The following IL12A variants were observed in gnomAD, a reference collection of about 807,000 sequenced individuals.
The protein encoded by IL12A is interleukin-12 subunit alpha.
IL12A carries 16 observed loss-of-function variants against 23.5 expected under a neutral mutation model. The observed-to-expected ratio is 0.68, with a 90% CI of 0.46 to 1.03. The LOEUF (loss-of-function observed/expected upper bound fraction) is 1.03. IL12A is among the 50% of genes least tolerant of loss of function. The pLI, the probability that IL12A is intolerant of heterozygous loss-of-function variation, is 0.00. For missense variants in IL12A, 275 were observed against 307.0 expected (o/e 0.90, Z 0.78); for synonymous variants, 106 against 111.5 (o/e 0.95, Z 0.31).
rs772263185 is a variant in IL12A at position 159,993,552 on chromosome 3, T to C, written c.421-16T>C. 1 of 1,614,144 alleles carries C rather than the reference T, an allele frequency of 6.2e-7. No homozygotes were observed. Among genetic ancestry groups the C allele is most frequent in the Non-Finnish European group, 8.5e-7 (1 of 1,179,978 alleles). On this transcript the variant is annotated splice_polypyrimidine_tract_variant and intron_variant, in intron 4 of 6. Transcript: ENST00000305579. ...ATGAATTCATATCACTGATGTCTGA[T>C]TATTTTTTCCTCTAGAATGGGAGTT...
rs1219805361 is a variant in IL12A, at chr3:159,993,682, A to G, written c.463-19A>G. The G allele has an allele frequency of 1.9e-6, 3 of 1,614,168 alleles. No individual in the cohort carries two copies. The highest frequency in any genetic ancestry group is 1.1e-5 in the South Asian group (1 of 91,080). ...AGCCCATCTCAATGGATACTTCCCC[A>G]TCTTGTCATGTCACCCAGGCCCTGT... On this transcript the variant is annotated intron_variant, in intron 5 of 6. Transcript: ENST00000305579.
chr3:159,990,100 T>A, intron 1 of IL12A, 67 bp from the exon 2 acceptor site: 6 of 1,550,332 alleles, frequency 3.9e-6, no homozygotes, highest in Non-Finnish European at 5.3e-6. Context: ...GTGGCCAGAA[T>A]GGAGGGAAGG....
Position 159,993,434 on chromosome 3 carries a change from T to C in IL12A, c.379-17T>C. The stretch of plus-strand genomic sequence containing the variant: ...TACTAAGAATTAATACTTTGATATA[T>C]GATTTTTTCCCTCTAGAATGAGAGT... On this transcript the variant is annotated splice_polypyrimidine_tract_variant and intron_variant, in intron 3 of 6. Coordinates refer to ENST00000305579, the MANE Select transcript of IL12A (RefSeq NM_000882.4). The C allele has an allele frequency of 6.3e-7, 1 of 1,593,098 alleles. No homozygotes were observed. The highest frequency in any genetic ancestry group is 2.2e-5 in the East Asian group (1 of 44,746).
At chr3:159,991,000 A>G (rs1157385468) in intron 2 of IL12A, among the ~76,000 whole-genome samples, 1 of 152,152 alleles carries the variant, frequency 6.6e-6, no homozygotes, top group Non-Finnish European at 1.5e-5. Flanking sequence ...TTTCTTGAGT[A>G]TTTTCTAGCT....
chr3:159,988,990 A>G lies in IL12A; in HGVS notation c.-67A>G. The G allele has an allele frequency of 7.9e-7, 1 of 1,261,372 alleles. No homozygotes were observed. The highest frequency in any genetic ancestry group is 1.2e-6 in the Non-Finnish European group (1 of 859,540). 78.1% of individuals were successfully genotyped at this position (1,261,372 alleles called of 1,614,324 possible). A position where few individuals can be genotyped will look rare whatever the true frequency, so the allele number is the denominator to read the frequency against. On this transcript the variant is annotated 5_prime_UTR_variant, in exon 1 of 7. Transcript: ENST00000305579. ...GAAGCTGATGTAGAGAGAGACACAG[A>G]AGGAGACAGAAAGCAAGAGACCAGA...
chr3:159,993,713 A>G lies in IL12A; in HGVS notation c.475A>G (p.Ser159Gly). The change falls in exon 6 of 7, where the codon AGT (serine) becomes GGT (glycine). Residue 159 changes from serine to glycine, a missense_variant. Physicochemically the swap from Ser to Gly is moderately conservative, Grantham distance 56. Transcript: ENST00000305579. ...TCATGTCACCCAGGCCCTGTGCCTT[A>G]GTAGTATTTATGAAGACTTGAAGAT... 1 of 1,614,154 alleles carries G rather than the reference A, an allele frequency of 6.2e-7. No homozygotes were observed. Among genetic ancestry groups the G allele is most frequent in the Non-Finnish European group, 8.5e-7 (1 of 1,179,998 alleles).
chr3:159,990,421 C>A, intron 2 of IL12A, 109 bp downstream of exon 2: 1 of 1,146,684 alleles, frequency 8.7e-7, no homozygotes, highest in Non-Finnish European at 1.2e-6. Context: ...TGTGGAAGTT[C>A]ATTAGCAGCT....
chr3:159,995,221 T>C (rs1268909582), intron 6 of IL12A, among the ~76,000 whole-genome samples, 183 bp from the exon 7 acceptor site: 1 of 152,176 alleles, frequency 6.6e-6, no homozygotes, highest in East Asian at 1.9e-4. Context: ...GCTTGGAAAA[T>C]GAGTATTTCT....
intron 2 of IL12A, 62 bp downstream of exon 2, chr3:159,990,374 T>G: frequency 6.5e-7 from 1 of 1,529,056 alleles, no homozygotes; most frequent in Non-Finnish European, 9.0e-7. Flanking sequence ...GGGCCTCTGA[T>G]CCTCCCCTCT....
At chr3:159,989,375 C>T in intron 1 of IL12A, 1 of 579,480 alleles carries the variant, frequency 1.7e-6, no homozygotes, top group East Asian at 3.0e-5. Flanking sequence ...GCCTGATGAG[C>T]TATCATTATG....
chr3:159,990,069 A>C (rs912405677), intron 1 of IL12A, 98 bp from the exon 2 acceptor site: 1 of 1,263,182 alleles, frequency 7.9e-7, no homozygotes, highest in African/African-American at 1.5e-5. Context: ...GTGGGTGCCA[A>C]GCATGAATGG....
In IL12A at chr3:159,990,187, C is replaced by G. The variant is rs781137999; in HGVS notation, c.139C>G (p.Leu47Val). ...TCCAGGCCTCCTCCTTGTGGCTACC[C>G]TGGTCCTCCTGGACCACCTCAGTTT... Residue 47 changes from leucine to valine, a missense_variant, in exon 2 of 7, where the codon CTG (leucine) becomes GTG (valine). Physicochemically the swap from Leu to Val is conservative, Grantham distance 32 (BLOSUM62 1). Transcript: ENST00000305579. 6.2e-7 allele frequency: 1 copy of G among 1,614,104 alleles called. No homozygotes were observed. The highest frequency in any genetic ancestry group is 1.7e-5 in the Admixed American group (1 of 60,014).
rs1476068539 is a variant in IL12A at position 159,993,784 on chromosome 3, T to A, written c.546T>A (p.Asp182Glu). Residue 182 changes from aspartate (D) to glutamate (E), a missense_variant, in exon 6 of 7, where the codon GAT becomes GAA. Coordinates refer to ENST00000305579, the MANE Select transcript of IL12A (RefSeq NM_000882.4). ...CCATGAATGCAAAGCTTCTGATGGATCCTAAGAGGCAGATCTTTCTAGATC... is the reference window on the plus strand; with the variant it reads ...CCATGAATGCAAAGCTTCTGATGGAACCTAAGAGGCAGATCTTTCTAGATC... The A allele has an allele frequency of 1.2e-6, 2 of 1,614,024 alleles. No homozygotes were observed. The highest frequency in any genetic ancestry group is 1.3e-5 in the African/African-American group (1 of 74,932).
chr3:159,995,659 A>G lies in IL12A; in HGVS notation c.*100A>G. ...AAGAACTAGGGAGGGGGAAAGAAGG[A>G]TGGGACTATTACATCCACATGATAC... On this transcript the variant is annotated 3_prime_UTR_variant, in exon 7 of 7. Coordinates refer to ENST00000305579, the MANE Select transcript of IL12A (RefSeq NM_000882.4). 1 of 816,758 alleles carries G rather than the reference A, an allele frequency of 1.2e-6. No homozygotes were observed. Among genetic ancestry groups the G allele is most frequent in the East Asian group, 2.7e-5 (1 of 36,636 alleles). The allele number at this position is 816,758 out of a possible 1,614,324, so 50.6% of individuals were successfully genotyped here.
chr3:159,989,421 G>A lies in IL12A; in HGVS notation c.118+247G>A, dbSNP rs138453663. On this transcript the variant is annotated intron_variant, in intron 1 of 6. Coordinates refer to ENST00000305579, the MANE Select transcript of IL12A (RefSeq NM_000882.4). ...AGAGGAGAAACTGAGGCCCAGCGTGGGAGATTTCCTGCTTTCCTGCCTAGG... is the reference window on the plus strand; with the variant it reads ...AGAGGAGAAACTGAGGCCCAGCGTGAGAGATTTCCTGCTTTCCTGCCTAGG... 4.8e-4 allele frequency: 252 copies of A among 529,706 alleles called. 3 individuals are homozygous for A. Among genetic ancestry groups the A allele is most frequent in the African/African-American group, 4.6e-3 (232 of 50,166 alleles). 32.8% of individuals were successfully genotyped at this position (529,706 alleles called of 1,614,324 possible). A position where few individuals can be genotyped will look rare whatever the true frequency, so the allele number is the denominator to read the frequency against.
chr3:159,992,344 G>T (rs1720348577), intron 2 of IL12A, among the ~76,000 whole-genome samples: 2 of 152,168 alleles, frequency 1.3e-5, no homozygotes. Flanking sequence ...TTGCAATCCA[G>T]GAGGGTATAC....
At position 159,989,156 on chromosome 3, in the gene IL12A, A is replaced by C; in HGVS notation, c.100A>C (p.Ser34Arg). The C allele has an allele frequency of 6.2e-7, 1 of 1,612,092 alleles. No homozygotes were observed. The highest frequency in any genetic ancestry group is 8.5e-7 in the Non-Finnish European group (1 of 1,179,616). Residue 34 changes from serine to arginine, a missense_variant, in exon 1 of 7, where the codon AGC becomes CGC. Physicochemically the swap from Ser to Arg is moderately radical, Grantham distance 110. Transcript: ENST00000305579. ...CCCTGTGTCCCTGCAGTGCCGGCTCAGCATGTGTCCAGCGCGCAGTGAGTA... is the reference window on the plus strand; with the variant it reads ...CCCTGTGTCCCTGCAGTGCCGGCTCCGCATGTGTCCAGCGCGCAGTGAGTA...
chr3:159,991,102 G>T (rs1720292856), intron 2 of IL12A, among the ~76,000 whole-genome samples: 1 of 152,106 alleles, frequency 6.6e-6, no homozygotes, highest in African/African-American at 2.4e-5. Context: ...AATGTGCTGT[G>T]CATTGCTCCT....
At position 159,993,454 on chromosome 3, in the gene IL12A, G is replaced by A. The variant is rs200596291; in HGVS notation, c.382G>A (p.Glu128Lys). Residue 128 changes from glutamate to lysine, a missense_variant, in exon 4 of 7, where the codon GAG becomes AAG. Coordinates refer to ENST00000305579, the MANE Select transcript of IL12A (RefSeq NM_000882.4). ...ATATATGATTTTTTCCCTCTAGAAT[G>A]AGAGTTGCCTAAATTCCAGAGAGAC... 2 of 1,609,128 alleles carry A rather than the reference G, an allele frequency of 1.2e-6. No individual in the cohort carries two copies. The highest frequency in any genetic ancestry group is 1.7e-6 in the Non-Finnish European group (2 of 1,175,776).
Sources: gnomAD v4.1 joint callset for allele counts (sites outside exome capture counted in the v4.1 genomes callset) on GRCh38, gnomAD v4.1.1 for gene constraint, MANE v1.5 for transcripts, NCBI Gene and HGNC (gene_info 2026-07-23, HGNC 2026-07-21) for gene names.